HOOK3: variants seen among roughly 807,000 people sequenced by gnomAD.
HOOK3 encodes hook microtubule tethering protein 3.
A neutral mutation model predicts 116.3 loss-of-function variants in HOOK3; 24 were observed. The ratio of observed to expected loss-of-function variants is 0.21; its 90% CI spans 0.15 to 0.29. The LOEUF is 0.29. HOOK3 is among the 10% of genes least tolerant of loss of function. The pLI, the probability that HOOK3 is intolerant of heterozygous loss-of-function variation, is 1.00. For missense variants in HOOK3, 632 were observed against 830.2 expected, an observed-to-expected ratio of 0.76 and a Z score of 2.93; for synonymous variants, 275 against 283.0, an observed-to-expected ratio of 0.97 and a Z score of 0.28.
At chr8:42,980,411 A>G (rs191274898) in intron 13 of HOOK3, among the ~76,000 whole-genome samples, 6 of 152,284 alleles carry the variant, frequency 3.9e-5, no homozygotes, top group Non-Finnish European at 5.9e-5. Flanking sequence ...TTGCCGCTAT[A>G]GTTTGAATGT....
chr8:42,977,835 G>A (rs1329640152), intron 13 of HOOK3, among the ~76,000 whole-genome samples: 1 of 152,042 alleles, frequency 6.6e-6, no homozygotes, highest in Non-Finnish European at 1.5e-5. Context: ...CCACTGCACT[G>A]CAGCCTGGGC....
intron 12 of HOOK3, among the ~76,000 whole-genome samples, chr8:42,973,820 G>A (rs1808769390): frequency 6.6e-6 from 1 of 152,126 alleles, no homozygotes; most frequent in African/African-American, 2.4e-5. Flanking sequence ...TTTATGTCTA[G>A]TGAAAAGAAT....
intron 10 of HOOK3, among the ~76,000 whole-genome samples, chr8:42,967,579 T>A (rs1181990157): frequency 6.6e-6 from 1 of 152,056 alleles, no homozygotes; most frequent in East Asian, 1.9e-4. Context: ...CGCATTTAGG[T>A]CTCTTTAATC....
At chr8:43,015,410 G>C (rs1037107365) in intron 21 of HOOK3, among the ~76,000 whole-genome samples, 1 of 151,806 alleles carries the variant, frequency 6.6e-6, no homozygotes, top group Non-Finnish European at 1.5e-5. Context: ...GTAATCCCAG[G>C]TACTCCGGAG....
intron 8 of HOOK3, among the ~76,000 whole-genome samples, chr8:42,961,566 T>C (rs1808534775): frequency 1.3e-5 from 2 of 152,196 alleles, no homozygotes. Flanking sequence ...CTCAAGTTGC[T>C]ATAATCAAAC....
At chr8:42,988,591 C>T (rs935577616) in intron 15 of HOOK3, among the ~76,000 whole-genome samples, 2 of 151,824 alleles carry the variant, frequency 1.3e-5, no homozygotes, top group Non-Finnish European at 2.9e-5. Flanking sequence ...ACAACACTGA[C>T]GATGAATAAC....
At chr8:42,901,136 C>T (rs528134358) in intron 1 of HOOK3, among the ~76,000 whole-genome samples, 46 of 152,322 alleles carry the variant, frequency 3.0e-4, no homozygotes, top group Admixed American at 5.9e-4. Context: ...TCCTCGGGAG[C>T]AAAATTATCC....
At chr8:42,964,880 T>TC (rs1185874173) in intron 9 of HOOK3, among the ~76,000 whole-genome samples, 2 of 150,860 alleles carry the variant, frequency 1.3e-5, no homozygotes, top group African/African-American at 4.9e-5. Flanking sequence ...GAAACTGCAG[T>TC]CCATTGAGGC....
intron 21 of HOOK3, 27 bp downstream of exon 21, chr8:43,013,427 A>G: frequency 6.6e-7 from 1 of 1,524,406 alleles, no homozygotes; most frequent in Non-Finnish European, 8.8e-7. Flanking sequence ...TTGGAGCATA[A>G]TGAAAACTTC....
chr8:43,028,401 C>G lies in HOOK3; in HGVS notation c.*9903C>G, dbSNP rs1276685920. On this transcript the variant is annotated 3_prime_UTR_variant, in exon 22 of 22. Transcript: ENST00000307602. ...TTGATGTTATATAGTTAACATTTAT[C>G]AGGCAAATTCATATGAATGCTTATT... 1 of 183,688 alleles carries G rather than the reference C, an allele frequency of 5.4e-6. No homozygotes were observed. Among genetic ancestry groups the G allele is most frequent in the Non-Finnish European group, 1.2e-5 (1 of 86,568 alleles). The allele number at this position is 183,688 out of a possible 1,614,324, so 11.4% of individuals were successfully genotyped here. A position where few individuals can be genotyped will look rare whatever the true frequency, so the allele number is the denominator to read the frequency against.
chr8:42,991,064 A>C (rs765445253), intron 15 of HOOK3, among the ~76,000 whole-genome samples: 1 of 152,150 alleles, frequency 6.6e-6, no homozygotes, highest in Non-Finnish European at 1.5e-5. Context: ...TCCCCAGAGT[A>C]TGTTCTTGGC....
intron 2 of HOOK3, among the ~76,000 whole-genome samples, chr8:42,915,630 C>T (rs1048309650): frequency 6.6e-6 from 1 of 152,064 alleles, no homozygotes; most frequent in Non-Finnish European, 1.5e-5. Context: ...CGGGGTTTCA[C>T]TATGTTGGCC....
intron 15 of HOOK3, among the ~76,000 whole-genome samples, chr8:42,997,341 T>C (rs556145134): frequency 5.1e-4 from 78 of 152,378 alleles, no homozygotes; most frequent in South Asian, 1.0e-3. Flanking sequence ...AAACACTGTG[T>C]TAGAAGTCAT....
chr8:43,029,471 CTTAG>C lies in HOOK3; in HGVS notation c.*10977_*10980del, dbSNP rs1234278020. On this transcript the variant is annotated 3_prime_UTR_variant, in exon 22 of 22. Coordinates refer to ENST00000307602, the MANE Select transcript of HOOK3 (RefSeq NM_032410.4). ...CCCAAATCTTTTATTTTTTAACAGC[CTTAG>C]TTATTTATAATTCAAATGCACTAAA... is the stretch of plus-strand genomic sequence containing the variant. 5.6e-6 allele frequency: 1 copy of C among 179,498 alleles called. No individual in the cohort carries two copies. The highest frequency in any genetic ancestry group is 1.2e-5 in the Non-Finnish European group (1 of 83,862). 11.1% of individuals were successfully genotyped at this position (179,498 alleles called of 1,614,324 possible).
In HOOK3 at chr8:43,007,937, T is replaced by G. The variant is rs759293232; in HGVS notation, c.1738+8T>G. The G allele has an allele frequency of 1.3e-5, 21 of 1,560,534 alleles. No individual in the cohort carries two copies. The highest frequency in any genetic ancestry group is 1.8e-5 in the Non-Finnish European group (21 of 1,138,562). ...CAAGATTTAACAACAGCTGTGAGTT[T>G]TCCTAATTAGGATAGTTTTTAAGTG... On this transcript the variant is annotated splice_region_variant and intron_variant, in intron 18 of 21. Coordinates refer to ENST00000307602, the MANE Select transcript of HOOK3 (RefSeq NM_032410.4).
intron 15 of HOOK3, among the ~76,000 whole-genome samples, chr8:42,993,576 G>T (rs990738054): frequency 2.0e-5 from 3 of 152,216 alleles, no homozygotes; most frequent in Admixed American, 2.0e-4. Context: ...GTTTGAGTAG[G>T]ATTGGTATAA....
intron 2 of HOOK3, among the ~76,000 whole-genome samples, chr8:42,918,634 C>T (rs912902298): frequency 3.3e-5 from 5 of 152,114 alleles, no homozygotes; most frequent in South Asian, 4.2e-4. Flanking sequence ...TGACTCTTAA[C>T]GAGTATGCTG....
rs1001611898 is a variant in HOOK3 at position 43,024,317 on chromosome 8, T to G, written c.*5819T>G. 7 of 197,452 alleles carry G rather than the reference T, an allele frequency of 3.5e-5. No homozygotes were observed. The highest frequency in any genetic ancestry group is 4.6e-5 in the African/African-American group (2 of 43,360). 12.2% of individuals were successfully genotyped at this position (197,452 alleles called of 1,614,324 possible). ...GATGTAGCATTGTACTTCTCAACAG[T>G]GAAGCCTGTGTAATACCATACAGTA... On this transcript the variant is annotated 3_prime_UTR_variant, in exon 22 of 22. Coordinates refer to ENST00000307602, the MANE Select transcript of HOOK3 (RefSeq NM_032410.4).
At chr8:42,938,198 A>G (rs1586599598) in intron 4 of HOOK3, among the ~76,000 whole-genome samples, 1 of 147,606 alleles carries the variant, frequency 6.8e-6, no homozygotes, top group African/African-American at 2.5e-5. Flanking sequence ...TTTATCAGAG[A>G]CTAGCATTGC....
Sources: allele counts gnomAD v4.1 joint callset (sites outside exome capture counted in the v4.1 genomes callset), GRCh38; gene constraint gnomAD v4.1.1; transcripts MANE v1.5; gene names NCBI Gene and HGNC (gene_info 2026-07-23, HGNC 2026-07-21).